Variants in GALNT13 observed in about 807,000 individuals in gnomAD.
GALNT13 encodes UDP-GalNAc:polypeptide N-acetylgalactosaminyltransferase 13.
A neutral mutation model predicts 64.2 loss-of-function variants in GALNT13; 28 were observed. The ratio of observed to expected loss-of-function variants is 0.44; its 90% CI spans 0.32 to 0.60. The LOEUF (loss-of-function observed/expected upper bound fraction) is 0.60, where lower values mean the gene tolerates loss of function less well. Ranked by LOEUF, GALNT13 falls within the 20% of genes least tolerant of loss-of-function variation. The probability of loss-of-function intolerance (pLI) is 0.05; values close to 1 mark genes in which losing one functional copy is unlikely to be tolerated. For missense variants in GALNT13, 577 were observed against 669.8 expected (o/e 0.86, Z 1.53); for synonymous variants, 214 against 224.6 (o/e 0.95, Z 0.42).
the GALNT13 span, among the ~76,000 whole-genome samples, chr2:153,117,786 C>G: frequency 1.3e-5 from 2 of 152,124 alleles, no homozygotes; most frequent in African/African-American, 4.8e-5. Flanking sequence ...GGTCTTCCTC[C>G]TCCCTTCCAC....
chr2:153,584,270 C>A, the GALNT13 span, among the ~76,000 whole-genome samples: 1 of 152,230 alleles, frequency 6.6e-6, no homozygotes, highest in East Asian at 1.9e-4. Flanking sequence ...GGCTTGAGCA[C>A]AAGCTTGCCT....
At chr2:153,347,930 G>C in the GALNT13 span, among the ~76,000 whole-genome samples, 1 of 152,026 alleles carries the variant, frequency 6.6e-6, no homozygotes, top group African/African-American at 2.4e-5. Context: ...CTTTAAAAAA[G>C]GTTTCCTTTT....
chr2:153,721,219 T>G, the GALNT13 span, among the ~76,000 whole-genome samples: 846 of 148,776 alleles, frequency 5.7e-3, 3 homozygotes, highest in African/African-American at 0.02. Flanking sequence ...CTAAGCTTCA[T>G]AAGTGAAGGA....
the GALNT13 span, among the ~76,000 whole-genome samples, chr2:153,730,654 A>G: frequency 6.6e-6 from 1 of 152,002 alleles, no homozygotes; most frequent in South Asian, 2.1e-4. Context: ...TGCATTTGAA[A>G]AAGAACTGCT....
At chr2:154,302,961 A>G (rs751516989) in intron 9 of GALNT13, among the ~76,000 whole-genome samples, 5 of 152,186 alleles carry the variant, frequency 3.3e-5, no homozygotes, top group Non-Finnish European at 7.4e-5. Flanking sequence ...TTTTTCCCCT[A>G]CAAAAGATGT....
chr2:154,421,686 T>G (rs1190231510), intron 11 of GALNT13, among the ~76,000 whole-genome samples: 3 of 152,106 alleles, frequency 2.0e-5, no homozygotes, highest in Non-Finnish European at 4.4e-5. Flanking sequence ...AAGAAATACG[T>G]TTTCTAGGAT....
the GALNT13 span, among the ~76,000 whole-genome samples, chr2:153,598,140 T>C: frequency 5.3e-5 from 8 of 152,138 alleles, no homozygotes; most frequent in African/African-American, 1.9e-4. Flanking sequence ...ACTCTTGTGC[T>C]CAAAGCCCTC....
chr2:154,011,492 G>T (rs531746103), intron 3 of GALNT13, among the ~76,000 whole-genome samples: 1 of 152,138 alleles, frequency 6.6e-6, no homozygotes, highest in South Asian at 2.1e-4. Flanking sequence ...GGCTGATTGT[G>T]TGTTTGATTT....
At chr2:154,351,385 C>A (rs1395081040) in intron 9 of GALNT13, among the ~76,000 whole-genome samples, 1 of 151,828 alleles carries the variant, frequency 6.6e-6, no homozygotes, top group Non-Finnish European at 1.5e-5. Flanking sequence ...AAAAAAAATG[C>A]AATAGACCAG....
intron 4 of GALNT13, among the ~76,000 whole-genome samples, chr2:154,226,251 T>G (rs1206074389): frequency 6.6e-6 from 1 of 152,258 alleles, no homozygotes; most frequent in East Asian, 1.9e-4. Flanking sequence ...TGATAAAAAT[T>G]GAAAAGTTTA....
intron 3 of GALNT13, among the ~76,000 whole-genome samples, chr2:154,043,410 A>G (rs1699095180): frequency 4.6e-5 from 1 of 21,854 alleles, no homozygotes. Flanking sequence ...TACTATAAGG[A>G]CTTTTATATA....
At chr2:153,395,903 A>C in the GALNT13 span, among the ~76,000 whole-genome samples, 1 of 152,132 alleles carries the variant, frequency 6.6e-6, no homozygotes, top group Non-Finnish European at 1.5e-5. Context: ...ATTGCAATTG[A>C]CCAGGGGTCA....
At chr2:154,079,272 T>C (rs1701148649) in intron 3 of GALNT13, among the ~76,000 whole-genome samples, 1 of 151,610 alleles carries the variant, frequency 6.6e-6, no homozygotes, top group African/African-American at 2.4e-5. Context: ...GGGATATCAT[T>C]AAAAAGCTTT....
chr2:153,844,399 C>T, the GALNT13 span, among the ~76,000 whole-genome samples: 29 of 152,272 alleles, frequency 1.9e-4, no homozygotes, highest in African/African-American at 7.0e-4. Flanking sequence ...CCAGAGCAGC[C>T]AGAATGTGGA....
intron 3 of GALNT13, among the ~76,000 whole-genome samples, chr2:154,123,838 G>A (rs534304120): frequency 1.1e-4 from 16 of 152,058 alleles, no homozygotes; most frequent in African/African-American, 3.6e-4. Flanking sequence ...GTGACAAAAG[G>A]CATATATCAG....
At chr2:154,183,546 A>C (rs1231541228) in intron 4 of GALNT13, among the ~76,000 whole-genome samples, 1 of 152,044 alleles carries the variant, frequency 6.6e-6, no homozygotes, top group African/African-American at 2.4e-5. Flanking sequence ...CCCCACCTCT[A>C]CAAAAAAATA....
chr2:153,966,219 CTTT>C (rs761961683), intron 3 of GALNT13, among the ~76,000 whole-genome samples: 7 of 120,108 alleles, frequency 5.8e-5, no homozygotes, highest in Non-Finnish European at 8.6e-5. Context: ...GGTTGGATTT[CTTT>C]TTTTTTTTTT....
At chr2:153,983,796 A>T (rs1694622587) in intron 3 of GALNT13, among the ~76,000 whole-genome samples, 1 of 151,940 alleles carries the variant, frequency 6.6e-6, no homozygotes, top group South Asian at 2.1e-4. Flanking sequence ...GTATGAACAT[A>T]TTTCATTCTG....
chr2:154,150,174 T>A (rs1419047460), intron 4 of GALNT13, among the ~76,000 whole-genome samples: 2 of 152,222 alleles, frequency 1.3e-5, no homozygotes, highest in Non-Finnish European at 2.9e-5. Flanking sequence ...TTTCGGCATC[T>A]ATTGAGATAA....
Sources: gnomAD v4.1 joint callset for allele counts (sites outside exome capture counted in the v4.1 genomes callset) on GRCh38, gnomAD v4.1.1 for gene constraint, MANE v1.5 for transcripts, NCBI Gene and HGNC (gene_info 2026-07-23, HGNC 2026-07-21) for gene names.